Variants in ACOT1 observed in about 807,000 individuals in gnomAD.
ACOT1 encodes the protein acyl-CoA thioesterase 1.
In ACOT1, 8 loss-of-function variants were observed where a neutral mutation model predicts 15.7. The ratio of observed to expected loss-of-function variants is 0.51; its 90% confidence interval spans 0.30 to 0.92. ACOT1 has a LOEUF of 0.92. ACOT1 is among the 40% of genes least tolerant of loss of function. ACOT1 has a pLI of 0.06. For missense variants in ACOT1, 151 were observed against 539.4 expected (o/e 0.28, Z 7.13); for synonymous variants, 67 against 241.2 (o/e 0.28, Z 6.69).
the ACOT1 span, among the ~76,000 whole-genome samples, chr14:73,504,576 GC>G: frequency 6.6e-6 from 1 of 152,054 alleles, no homozygotes; most frequent in Non-Finnish European, 1.5e-5. Flanking sequence ...CCTAGGTGAC[GC>G]CTGTGCTGCT....
chr14:73,515,607 G>A, the ACOT1 span, among the ~76,000 whole-genome samples: 2 of 150,162 alleles, frequency 1.3e-5, no homozygotes, highest in Non-Finnish European at 1.5e-5. Context: ...TTGAACTGGG[G>A]AGGCGGAGGT....
the ACOT1 span, chr14:73,500,683 T>C: frequency 2.5e-6 from 4 of 1,613,924 alleles, no homozygotes; most frequent in African/African-American, 5.3e-5. Context: ...ACCTATCAGG[T>C]AGAGAGCTTC....
At chr14:73,527,942 CAG>C in the ACOT1 span, among the ~76,000 whole-genome samples, 27 of 96,162 alleles carry the variant, frequency 2.8e-4, no homozygotes, top group African/African-American at 9.1e-4. Flanking sequence ...GCCTGGGTAA[CAG>C]GGGCAAAACT....
At chr14:73,490,985 C>G in the ACOT1 span, 65 of 1,330,584 alleles carry the variant, frequency 4.9e-5, no homozygotes, top group Non-Finnish European at 5.9e-5. Flanking sequence ...CGCCCCCGGC[C>G]GGCCGGGCGG....
At chr14:73,527,755 A>G in the ACOT1 span, among the ~76,000 whole-genome samples, 26 of 152,006 alleles carry the variant, frequency 1.7e-4, no homozygotes, top group African/African-American at 5.5e-4. Flanking sequence ...AGGCAGGTGG[A>G]TCACCTGAGA....
At chr14:73,491,043 G>A in the ACOT1 span, 2 of 1,586,132 alleles carry the variant, frequency 1.3e-6, no homozygotes, top group Non-Finnish European at 1.7e-6. Context: ...GCCAGTGCAG[G>A]GCCGTTGAGG....
At chr14:73,495,373 G>A in the ACOT1 span, 4 of 1,613,462 alleles carry the variant, frequency 2.5e-6, no homozygotes, top group Non-Finnish European at 3.4e-6. Context: ...AGTCCTTTTG[G>A]CTTAGTGTTT....
the ACOT1 span, chr14:73,491,918 C>G: frequency 6.2e-7 from 1 of 1,613,330 alleles, no homozygotes; most frequent in South Asian, 1.1e-5. Context: ...TCTCCTCTGT[C>G]CGCAGGCTTT....
At chr14:73,512,937 C>T in the ACOT1 span, among the ~76,000 whole-genome samples, 1 of 152,152 alleles carries the variant, frequency 6.6e-6, no homozygotes, top group Non-Finnish European at 1.5e-5. Context: ...TCTCAAATAC[C>T]ATAGCTTTCA....
At chr14:73,514,941 G>A in the ACOT1 span, among the ~76,000 whole-genome samples, 1 of 152,000 alleles carries the variant, frequency 6.6e-6, no homozygotes, top group African/African-American at 2.4e-5. Context: ...GGTGGCATGT[G>A]CTTGTAGTCT....
At chr14:73,498,169 G>A in the ACOT1 span, 6 of 1,611,954 alleles carry the variant, frequency 3.7e-6, no homozygotes, top group South Asian at 1.1e-5. Flanking sequence ...GAACAGCATC[G>A]TGGTTCTCCA....
the ACOT1 span, chr14:73,492,999 C>CTA: frequency 6.8e-7 from 1 of 1,460,246 alleles, no homozygotes; most frequent in Non-Finnish European, 9.1e-7. The surrounding 1 kb of genome is among the most constrained non-coding windows in gnomAD (Gnocchi z 4.9). Flanking sequence ...CCACTGCTAC[C>CTA]TTTTTTTTTT....
intron 2 of ACOT1, among the ~76,000 whole-genome samples, chr14:73,541,983 G>A (rs1377844088): frequency 1.8e-5 from 2 of 112,074 alleles, no homozygotes; most frequent in African/African-American, 6.0e-5. Context: ...AGCCTCCCAA[G>A]TAGCTGGGAT....
chr14:73,527,842 G>C, the ACOT1 span, among the ~76,000 whole-genome samples: 1 of 151,388 alleles, frequency 6.6e-6, no homozygotes, highest in East Asian at 1.9e-4. Context: ...AGCCAGTCAT[G>C]GTGGCAGGTG....
chr14:73,491,259 G>T, the ACOT1 span: 1 of 1,577,512 alleles, frequency 6.3e-7, no homozygotes, highest in Non-Finnish European at 8.6e-7. Context: ...GCGCTACCCG[G>T]TGGGGCGGCG....
chr14:73,520,494 T>G, the ACOT1 span: 1 of 176,050 alleles, frequency 5.7e-6, no homozygotes, highest in Non-Finnish European at 1.2e-5. Context: ...CATAGCACCT[T>G]GGTGGGAGAA....
In ACOT1 at chr14:73,542,403, C is replaced by CTTTTT. The variant is rs57839054; in HGVS notation, c.661-632_661-628dup. ...TTAAATTCCAGTATGTTTTTTCTTT[C>CTTTTT]TTTTTTTTTTTTTTTTTTTAAGACG... On this transcript the variant is annotated intron_variant, in intron 2 of 2. Coordinates refer to ENST00000311148, the MANE Select transcript of ACOT1 (RefSeq NM_001037161.2). 3.2e-3 allele frequency among the ~76,000 whole-genome samples: 267 copies of CTTTTT among 83,442 alleles called. 39 individuals carry two copies. Among genetic ancestry groups the CTTTTT allele is most frequent in the African/African-American group, 0.011 (261 of 24,586 alleles). 54.7% of individuals were successfully genotyped at this position (83,442 alleles called of 152,430 possible). A position where few individuals can be genotyped will look rare whatever the true frequency, so the allele number is the denominator to read the frequency against.
At chr14:73,505,646 G>T in the ACOT1 span, among the ~76,000 whole-genome samples, 1 of 151,990 alleles carries the variant, frequency 6.6e-6, no homozygotes, top group Non-Finnish European at 1.5e-5. Context: ...ACCTGCCTTG[G>T]CCTCCCAAAG....
At chr14:73,509,848 ATATATATATATATATATATATT>A in the ACOT1 span, among the ~76,000 whole-genome samples, 143 of 69,326 alleles carry the variant, frequency 2.1e-3, 3 homozygotes, top group African/African-American at 7.5e-3. Context: ...ATATATATAT[ATATATATATATATATATATATT>A]TATTTATTTT....
Sources: allele counts gnomAD v4.1 joint callset (sites outside exome capture counted in the v4.1 genomes callset), GRCh38; gene constraint gnomAD v4.1.1; non-coding constraint Gnocchi (gnomAD v3.1); transcripts MANE v1.5; gene names NCBI Gene and HGNC (gene_info 2026-07-23, HGNC 2026-07-21).